Variants in TGFA observed in about 807,000 individuals in gnomAD.
The protein encoded by TGFA is transforming growth factor alpha, also known as protransforming growth factor alpha.
A neutral mutation model predicts 21.7 loss-of-function variants in TGFA; 12 were observed. The ratio of observed to expected loss-of-function variants is 0.55; its 90% confidence interval spans 0.35 to 0.90. The LOEUF is 0.90. Ranked by LOEUF, TGFA falls within the 40% of genes least tolerant of loss-of-function variation. The probability of loss-of-function intolerance (pLI) is 0.01; values close to 1 mark genes in which losing one functional copy is unlikely to be tolerated. For synonymous variants in TGFA, 79 were observed against 88.1 expected (o/e 0.90, Z 0.58); for missense variants, 178 against 210.8 (o/e 0.84, Z 0.96).
chr2:70,553,686 GGT>G, intron 1 of TGFA, 40 bp downstream of exon 1: 1 of 1,338,890 alleles, frequency 7.5e-7, no homozygotes, highest in East Asian at 3.0e-5. Context: ...GGGGAAGCAG[GGT>G]GTCGCGCGGC....
intron 2 of TGFA, among the ~76,000 whole-genome samples, chr2:70,480,419 C>T (rs1330910876): frequency 1.3e-5 from 2 of 152,134 alleles, no homozygotes; most frequent in Non-Finnish European, 2.9e-5. Context: ...CGCTCACTGG[C>T]AGAAATTCTT....
At position 70,528,718 on chromosome 2, in the gene TGFA, T is replaced by C. The variant is rs116612797; in HGVS notation, c.41-13806A>G. ...CTCTCAGCTGGGGATAAGTTATCAATACAATTTTTAAAAATCTATTGTCAG... is the reference window on the plus strand; with the variant it reads ...CTCTCAGCTGGGGATAAGTTATCAACACAATTTTTAAAAATCTATTGTCAG... On this transcript the variant is annotated intron_variant, in intron 1 of 5. Transcript: ENST00000295400. Among the ~76,000 whole-genome samples, 855 of 152,296 alleles carry C rather than the reference T, an allele frequency of 5.6e-3. 9 individuals are homozygous for C. Among genetic ancestry groups the C allele is most frequent in the African/African-American group, 0.02 (811 of 41,558 alleles).
intron 3 of TGFA, among the ~76,000 whole-genome samples, chr2:70,464,195 C>T (rs1670483594): frequency 6.6e-6 from 1 of 152,238 alleles, no homozygotes; most frequent in Non-Finnish European, 1.5e-5. Context: ...AGCATCATGG[C>T]TAAGAACTCA....
At chr2:70,470,529 T>G (rs1461476780) in intron 2 of TGFA, among the ~76,000 whole-genome samples, 1 of 152,232 alleles carries the variant, frequency 6.6e-6, no homozygotes, top group Non-Finnish European at 1.5e-5. Context: ...GGGGACTTCA[T>G]GTGCTGTGGT....
In TGFA at chr2:70,547,511, C is replaced by G. The variant is rs376283128; in HGVS notation, c.40+6217G>C. 2.0e-5 allele frequency among the ~76,000 whole-genome samples: 3 copies of G among 149,160 alleles called. No homozygotes were observed. In the South Asian group the frequency reaches 6.4e-4, roughly 32 times the overall value. The stretch of plus-strand genomic sequence containing the variant: ...TGAGCCTAGATCGTGCCACTGCACT[C>G]CAGCCTGGGCAACAGAGCGAGCCTC... On this transcript the variant is annotated intron_variant, in intron 1 of 5. Coordinates refer to ENST00000295400, the MANE Select transcript of TGFA (RefSeq NM_003236.4).
chr2:70,465,604 G>A lies in TGFA; in HGVS notation c.215+12C>T, dbSNP rs985121519. ...CCAGCCCCAGATCTCCAGGAGAACA[G>A]GGGATACTTACACACATGCTGGCTT... On this transcript the variant is annotated intron_variant, in intron 3 of 5. Transcript: ENST00000295400. 1.2e-6 allele frequency: 2 copies of A among 1,614,100 alleles called. No individual in the cohort carries two copies. The highest frequency in any genetic ancestry group is 1.7e-6 in the Non-Finnish European group (2 of 1,179,992).
At chr2:70,505,682 GA>G (rs201549802) in intron 2 of TGFA, among the ~76,000 whole-genome samples, 4 of 145,852 alleles carry the variant, frequency 2.7e-5, no homozygotes, top group South Asian at 2.2e-4. Flanking sequence ...AACTAGGAAG[GA>G]AAAAAAAAAC....
intron 2 of TGFA, among the ~76,000 whole-genome samples, chr2:70,503,315 A>G (rs1553499487): frequency 6.6e-6 from 1 of 151,810 alleles, no homozygotes; most frequent in African/African-American, 2.4e-5. Context: ...TCAGCAAACT[A>G]TCACAAGGAC....
intron 5 of TGFA, among the ~76,000 whole-genome samples, chr2:70,452,768 C>T (rs1179535978): frequency 1.3e-5 from 2 of 152,088 alleles, no homozygotes; most frequent in African/African-American, 4.8e-5. Flanking sequence ...ACTGCGAAAC[C>T]CCGTCTCTAC....
intron 5 of TGFA, 32 bp downstream of exon 5, chr2:70,453,186 T>G: frequency 6.3e-7 from 1 of 1,588,374 alleles, no homozygotes; most frequent in Non-Finnish European, 8.6e-7. Flanking sequence ...CTCCACCCAA[T>G]AGTGTCTCCC....
At chr2:70,519,023 G>T (rs11126274) in intron 1 of TGFA, among the ~76,000 whole-genome samples, 3,126 of 152,312 alleles carry the variant, frequency 0.021, 102 homozygotes, top group African/African-American at 0.071. Context: ...GCTGCAGCAG[G>T]TCCTTTTGGA....
intron 1 of TGFA, among the ~76,000 whole-genome samples, chr2:70,548,949 G>T (rs1574155081): frequency 6.6e-6 from 1 of 152,126 alleles, no homozygotes; most frequent in Non-Finnish European, 1.5e-5. Context: ...GGAAGAAAAG[G>T]CTAAACAAAA....
At chr2:70,452,652 C>T (rs535917366) in intron 5 of TGFA, among the ~76,000 whole-genome samples, 62 of 152,156 alleles carry the variant, frequency 4.1e-4, no homozygotes, top group South Asian at 2.5e-3. Flanking sequence ...ATAAGAAAAC[C>T]GAGGGTAAGC....
intron 2 of TGFA, among the ~76,000 whole-genome samples, chr2:70,511,139 T>C (rs1459825852): frequency 6.6e-6 from 1 of 152,228 alleles, no homozygotes; most frequent in African/African-American, 2.4e-5. Flanking sequence ...TGTTGCCCTA[T>C]GCTCTAGTGC....
intron 5 of TGFA, 49 bp from the exon 6 acceptor site, chr2:70,450,915 A>G: frequency 1.9e-6 from 3 of 1,592,958 alleles, no homozygotes; most frequent in Non-Finnish European, 2.6e-6. Context: ...CACCCTGGCC[A>G]CGTTGGGAAA....
chr2:70,470,093 G>C (rs1670691984), intron 2 of TGFA, among the ~76,000 whole-genome samples: 1 of 151,900 alleles, frequency 6.6e-6, no homozygotes. Flanking sequence ...GAAGAAGGAG[G>C]GAAGGAGACA....
intron 2 of TGFA, among the ~76,000 whole-genome samples, chr2:70,478,193 A>G (rs1553494818): frequency 6.6e-6 from 1 of 152,212 alleles, no homozygotes; most frequent in African/African-American, 2.4e-5. Flanking sequence ...GAGTGAGATC[A>G]GCTTTGTAAT....
At chr2:70,520,529 GTTAT>G (rs1672414763) in intron 1 of TGFA, among the ~76,000 whole-genome samples, 1 of 151,832 alleles carries the variant, frequency 6.6e-6, no homozygotes, top group Non-Finnish European at 1.5e-5. Context: ...AAAAAAAATT[GTTAT>G]TTACTTATGT....
intron 2 of TGFA, among the ~76,000 whole-genome samples, chr2:70,477,168 A>T (rs1459643165): frequency 3.9e-5 from 6 of 152,216 alleles, no homozygotes; most frequent in Non-Finnish European, 7.3e-5. Context: ...AGGAATCTAG[A>T]TTTAATCTGC....
Sources: allele counts gnomAD v4.1 joint callset (sites outside exome capture counted in the v4.1 genomes callset), GRCh38; gene constraint gnomAD v4.1.1; transcripts MANE v1.5; gene names NCBI Gene and HGNC (gene_info 2026-07-23, HGNC 2026-07-21).